Variants in RALGAPA2 observed in about 807,000 individuals in gnomAD.
The protein encoded by RALGAPA2 is ral GTPase-activating protein subunit alpha-2.
RALGAPA2 carries 139 observed loss-of-function variants against 230.4 expected under a neutral mutation model. That is an observed-to-expected ratio of 0.60 (90% CI 0.53 to 0.69). The LOEUF (loss-of-function observed/expected upper bound fraction) is 0.69, where lower values mean the gene tolerates loss of function less well. Among genes scored for constraint, RALGAPA2 ranks in the 30% least tolerant of loss-of-function variants. RALGAPA2 has a pLI of 0.00. For missense variants in RALGAPA2, 2,163 were observed against 2,276.0 expected (o/e 0.95, Z 1.01); for synonymous variants, 847 against 837.8 (o/e 1.01, Z -0.19).
chr20:20,586,965 G>A (rs1488658109), intron 18 of RALGAPA2, among the ~76,000 whole-genome samples: 1 of 151,978 alleles, frequency 6.6e-6, no homozygotes, highest in Non-Finnish European at 1.5e-5. Context: ...TGTAACAGGT[G>A]GAGATACCAC....
intron 1 of RALGAPA2, among the ~76,000 whole-genome samples, chr20:20,683,181 A>T (rs1257483550): frequency 6.6e-6 from 1 of 152,194 alleles, no homozygotes; most frequent in Non-Finnish European, 1.5e-5. Flanking sequence ...TACGTGTTCC[A>T]GCCCTGGACT....
At chr20:20,430,771 T>C (rs2060484442) in intron 37 of RALGAPA2, among the ~76,000 whole-genome samples, 1 of 152,236 alleles carries the variant, frequency 6.6e-6, no homozygotes, top group Non-Finnish European at 1.5e-5. Flanking sequence ...ACATCACGTA[T>C]GTACATCACT....
At position 20,642,596 on chromosome 20, in the gene RALGAPA2, T is replaced by C. The variant is rs150135285; in HGVS notation, c.372+910A>G. On this transcript the variant is annotated intron_variant, in intron 5 of 39. Coordinates refer to ENST00000202677, the MANE Select transcript of RALGAPA2 (RefSeq NM_020343.4). ...TTCTACCACAAGTCTCCAATTGTTATATGTTAACTGTATTTAAGAGAACTA... is the reference window on the plus strand; with the variant it reads ...TTCTACCACAAGTCTCCAATTGTTACATGTTAACTGTATTTAAGAGAACTA... Among the ~76,000 whole-genome samples the C allele has an allele frequency of 7.2e-5, 11 of 152,328 alleles. No homozygotes were observed. In the East Asian group the frequency reaches 1.7e-3, roughly 24 times the overall value.
intron 23 of RALGAPA2, 63 bp downstream of exon 23, chr20:20,571,395 C>T (rs2064628490): frequency 6.7e-7 from 1 of 1,481,862 alleles, no homozygotes; most frequent in Admixed American, 2.0e-5. Context: ...TTACTAATGT[C>T]TTTAAAGAGT....
intron 23 of RALGAPA2, among the ~76,000 whole-genome samples, chr20:20,567,528 A>C (rs1698613236): frequency 6.6e-6 from 1 of 152,218 alleles, no homozygotes. Flanking sequence ...ATAAAACGGA[A>C]GGGAGAAACA....
At chr20:20,490,853 CACACATGA>C (rs2062031237) in intron 36 of RALGAPA2, among the ~76,000 whole-genome samples, 3 of 114,688 alleles carry the variant, frequency 2.6e-5, no homozygotes, top group Non-Finnish European at 5.4e-5. Context: ...GATGCATGAA[CACACATGA>C]ACACACACAC....
intron 20 of RALGAPA2, among the ~76,000 whole-genome samples, chr20:20,575,918 AG>A (rs1356136158): frequency 6.6e-6 from 1 of 152,072 alleles, no homozygotes; most frequent in Non-Finnish European, 1.5e-5. Flanking sequence ...TACGGTTTGG[AG>A]AATAAGTGGG....
At chr20:20,457,130 C>G (rs1279930588) in intron 37 of RALGAPA2, among the ~76,000 whole-genome samples, 1 of 152,156 alleles carries the variant, frequency 6.6e-6, no homozygotes, top group Non-Finnish European at 1.5e-5. Context: ...ACCCTTCTTG[C>G]TAGGTCATCT....
At chr20:20,479,389 C>G (rs1006167150) in intron 36 of RALGAPA2, among the ~76,000 whole-genome samples, 1 of 152,076 alleles carries the variant, frequency 6.6e-6, no homozygotes, top group South Asian at 2.1e-4. Context: ...TACAAAAACC[C>G]TAACAAAATA....
intron 20 of RALGAPA2, among the ~76,000 whole-genome samples, chr20:20,582,161 A>AGTGTGTGTGTGT (rs35240382): frequency 8.1e-4 from 118 of 146,160 alleles, no homozygotes; most frequent in Non-Finnish European, 1.1e-3. Context: ...AGTGTCACAC[A>AGTGTGTGTGTGT]GTGTGTGTGT....
intron 7 of RALGAPA2, among the ~76,000 whole-genome samples, chr20:20,637,944 C>T (rs2066910847): frequency 6.6e-6 from 1 of 152,108 alleles, no homozygotes; most frequent in African/African-American, 2.4e-5. Context: ...ACCAATGTTA[C>T]CTACATGTAA....
chr20:20,395,609 G>A (rs890089267), intron 39 of RALGAPA2, among the ~76,000 whole-genome samples: 9 of 152,246 alleles, frequency 5.9e-5, no homozygotes, highest in South Asian at 2.1e-4. Context: ...TCTGAGGCTC[G>A]TGTCACCTGT....
intron 37 of RALGAPA2, among the ~76,000 whole-genome samples, chr20:20,467,180 TTC>T (rs2061437399): frequency 6.6e-6 from 1 of 152,204 alleles, no homozygotes; most frequent in Non-Finnish European, 1.5e-5. Context: ...GGGCCCATAT[TTC>T]TCTCTTATAC....
At position 20,521,066 on chromosome 20, in the gene RALGAPA2, T is replaced by C. The variant is rs778119543; in HGVS notation, c.3935A>G (p.Tyr1312Cys). The C allele has an allele frequency of 7.3e-5, 118 of 1,613,362 alleles. No individual in the cohort carries two copies. Among genetic ancestry groups the C allele is most frequent in the Non-Finnish European group, 9.8e-5 (116 of 1,179,580 alleles). The change falls in exon 31 of 40, where the codon TAC becomes TGC. Residue 1312 changes from tyrosine (Y) to cysteine (C), a missense_variant. Coordinates refer to ENST00000202677, the MANE Select transcript of RALGAPA2 (RefSeq NM_020343.4). ...CAGTATGTAGTGACTCTGTTGGGTG[T>C]ACGTGCTTGAGCCACACACACAGCA... ...LHCCVCGSST[Y>C]TQQSHYILTL...
rs375970685 is a variant in RALGAPA2 at position 20,580,164 on chromosome 20, C to T, written c.2707+2886G>A. On this transcript the variant is annotated intron_variant, in intron 20 of 39. Transcript: ENST00000202677. ...CAATACTGATTCTTAGCTGTAGACTCATAAATGTCCCCCTCCCCTGACTAT... is the reference window on the plus strand; with the variant it reads ...CAATACTGATTCTTAGCTGTAGACTTATAAATGTCCCCCTCCCCTGACTAT... 2.8e-4 allele frequency among the ~76,000 whole-genome samples: 42 copies of T among 152,272 alleles called. No individual in the cohort carries two copies. The South Asian group carries it at 8.7e-3, about 32-fold the overall frequency.
At chr20:20,658,239 G>T (rs1433532060) in intron 3 of RALGAPA2, among the ~76,000 whole-genome samples, 1 of 152,118 alleles carries the variant, frequency 6.6e-6, no homozygotes, top group African/African-American at 2.4e-5. Flanking sequence ...CAAGTCAAAG[G>T]CTGAAACATT....
At chr20:20,511,921 T>C (rs1328769200) in intron 32 of RALGAPA2, among the ~76,000 whole-genome samples, 2 of 152,094 alleles carry the variant, frequency 1.3e-5, no homozygotes, top group Non-Finnish European at 2.9e-5. Flanking sequence ...CCAGGCGCAG[T>C]TGCTCACGCC....
chr20:20,486,619 T>C (rs1463153341), intron 36 of RALGAPA2, among the ~76,000 whole-genome samples: 1 of 152,222 alleles, frequency 6.6e-6, no homozygotes, highest in Non-Finnish European at 1.5e-5. Context: ...TGGTGCTTCC[T>C]GGATCTGTCA....
At chr20:20,638,780 T>G (rs2066938579) in intron 7 of RALGAPA2, among the ~76,000 whole-genome samples, 1 of 152,180 alleles carries the variant, frequency 6.6e-6, no homozygotes, top group Admixed American at 6.5e-5. Context: ...TTCTCAGGAT[T>G]GTGAAGTCCT....
Sources: gnomAD v4.1 joint callset for allele counts (sites outside exome capture counted in the v4.1 genomes callset) on GRCh38, gnomAD v4.1.1 for gene constraint, MANE v1.5 for transcripts, NCBI Gene and HGNC (gene_info 2026-07-23, HGNC 2026-07-21) for gene names.